Variants in TBC1D16 observed in about 807,000 individuals in gnomAD.
TBC1D16 encodes the protein CTD-2529O21.1.
TBC1D16 carries 58 observed loss-of-function variants against 74.7 expected under a neutral mutation model. The ratio of observed to expected loss-of-function variants is 0.78; its 90% CI spans 0.63 to 0.97. The LOEUF is 0.97. Ranked by LOEUF, TBC1D16 falls within the 50% of genes least tolerant of loss-of-function variation. The pLI is 0.00. For synonymous variants in TBC1D16, 493 were observed against 474.7 expected (o/e 1.04, Z -0.50); for missense variants, 1,014 against 1,079.5 (o/e 0.94, Z 0.85).
chr17:79,952,977 G>A, intron 3 of TBC1D16, 159 bp from the exon 4 acceptor site: 2 of 744,434 alleles, frequency 2.7e-6, no homozygotes, highest in African/African-American at 1.8e-5. Flanking sequence ...GTGAATAAAT[G>A]AATGTATGAA....
At chr17:79,943,144 A>G (rs1470670459) in intron 10 of TBC1D16, among the ~76,000 whole-genome samples, 3 of 152,234 alleles carry the variant, frequency 2.0e-5, no homozygotes, top group Admixed American at 6.5e-5. Flanking sequence ...CAGAGGCTAC[A>G]GGTGACTCCC....
intron 1 of TBC1D16, among the ~76,000 whole-genome samples, chr17:80,025,427 G>A (rs117398110): frequency 0.021 from 3,203 of 150,026 alleles, 92 homozygotes; most frequent in Non-Finnish European, 0.033. Flanking sequence ...ACCTGTCACC[G>A]GGCGGCAGGA....
chr17:80,012,228 T>C (rs1429893751), intron 2 of TBC1D16, among the ~76,000 whole-genome samples: 2 of 152,256 alleles, frequency 1.3e-5, no homozygotes, highest in Non-Finnish European at 2.9e-5. Context: ...AGCCTGAGGC[T>C]GAGAAGTGTT....
chr17:79,996,153 G>A (rs866397385), intron 3 of TBC1D16, among the ~76,000 whole-genome samples: 1 of 152,304 alleles, frequency 6.6e-6, no homozygotes, highest in East Asian at 1.9e-4. Flanking sequence ...AAGAAATCAT[G>A]TATTAACAGG....
At chr17:79,962,887 C>T (rs1217598466) in intron 3 of TBC1D16, among the ~76,000 whole-genome samples, 3 of 151,964 alleles carry the variant, frequency 2.0e-5, no homozygotes, top group Non-Finnish European at 2.9e-5. Context: ...TATGATGAAA[C>T]CCCATCTCTA....
intron 3 of TBC1D16, among the ~76,000 whole-genome samples, chr17:79,963,125 G>A (rs750688497): frequency 1.3e-5 from 2 of 151,670 alleles, no homozygotes; most frequent in Non-Finnish European, 2.9e-5. Flanking sequence ...ACTGAGGCAG[G>A]AGAAGTGCTT....
chr17:79,984,269 A>G (rs963376409), intron 3 of TBC1D16, among the ~76,000 whole-genome samples: 2 of 152,182 alleles, frequency 1.3e-5, no homozygotes, highest in African/African-American at 2.4e-5. Flanking sequence ...AGTCTCCCAA[A>G]GCACTGGGAT....
rs2031695763 is a variant in TBC1D16 at position 79,937,519 on chromosome 17, G to C, written c.*3340C>G. ...CCCTGCCTGGCACTTCGGCTGGTCA[G>C]GAACAGTGGCTGCTCATGGAGCTGC... is the stretch of plus-strand genomic sequence containing the variant. On this transcript the variant is annotated 3_prime_UTR_variant, in exon 12 of 12. Transcript: ENST00000310924. The C allele has an allele frequency of 1.3e-5, 2 of 152,368 alleles. No individual in the cohort carries two copies. The highest frequency in any genetic ancestry group is 4.8e-5 in the African/African-American group (2 of 41,464). The allele number at this position is 152,368 out of a possible 1,614,324, so 9.4% of individuals were successfully genotyped here. A position where few individuals can be genotyped will look rare whatever the true frequency, so the allele number is the denominator to read the frequency against.
At chr17:79,974,185 A>G (rs2034235205) in intron 3 of TBC1D16, among the ~76,000 whole-genome samples, 1 of 152,188 alleles carries the variant, frequency 6.6e-6, no homozygotes, top group South Asian at 2.1e-4. Flanking sequence ...CTCTACCAGA[A>G]TGGCATGCAA....
chr17:80,024,574 AGG>A (rs1471730261), intron 1 of TBC1D16, among the ~76,000 whole-genome samples: 9 of 148,826 alleles, frequency 6.0e-5, no homozygotes, highest in South Asian at 2.1e-4. Flanking sequence ...GACACACCAT[AGG>A]CACACACACC....
In TBC1D16 at chr17:80,000,158, G is replaced by A. The variant is rs577089796; in HGVS notation, c.779+10002C>T. 4.6e-5 allele frequency among the ~76,000 whole-genome samples: 7 copies of A among 152,136 alleles called. No individual in the cohort carries two copies. The highest frequency in any genetic ancestry group is 1.0e-4 in the Non-Finnish European group (7 of 68,024). ...ACGGGGTGATGACCACACTGATGTCGGGAGCTGTTTCTGGGATTCAGGTTG... is the reference window on the plus strand; with the variant it reads ...ACGGGGTGATGACCACACTGATGTCAGGAGCTGTTTCTGGGATTCAGGTTG... On this transcript the variant is annotated intron_variant, in intron 3 of 11. Coordinates refer to ENST00000310924, the MANE Select transcript of TBC1D16 (RefSeq NM_019020.4). This position sits in a 1 kb window ranked among gnomAD's most constrained non-coding sequence, Gnocchi z 4.1.
Position 79,971,873 on chromosome 17 carries a change from G to A in TBC1D16, c.780-19055C>T, listed in dbSNP as rs1256198934. Among the ~76,000 whole-genome samples the A allele has an allele frequency of 6.6e-6, 1 of 152,152 alleles. No individual in the cohort carries two copies. Among genetic ancestry groups the A allele is most frequent in the Non-Finnish European group, 1.5e-5 (1 of 68,026 alleles). The stretch of plus-strand genomic sequence containing the variant: ...TTCCTCTCGGAGCAGGTGGCATGGG[G>A]GCTGGCTGTGGGGGTCTTTGTGGGG... On this transcript the variant is annotated intron_variant, in intron 3 of 11. Coordinates refer to ENST00000310924, the MANE Select transcript of TBC1D16 (RefSeq NM_019020.4). The surrounding 1 kb of genome is among the most constrained non-coding windows in gnomAD (Gnocchi z 4.6).
At chr17:79,968,596 G>C (rs1445792934) in intron 3 of TBC1D16, among the ~76,000 whole-genome samples, 1 of 152,180 alleles carries the variant, frequency 6.6e-6, no homozygotes, top group Non-Finnish European at 1.5e-5. Flanking sequence ...GCTCACGCCT[G>C]TAATCCCAGC....
At chr17:79,965,881 A>G (rs973204109) in intron 3 of TBC1D16, among the ~76,000 whole-genome samples, 8 of 152,182 alleles carry the variant, frequency 5.3e-5, no homozygotes, top group African/African-American at 1.9e-4. Flanking sequence ...CCATCCATAG[A>G]TGGGCACTGA....
intron 3 of TBC1D16, among the ~76,000 whole-genome samples, chr17:80,003,644 T>TA (rs74270527): frequency 2.5e-3 from 330 of 132,622 alleles, no homozygotes; most frequent in African/African-American, 5.3e-3. Context: ...AACAGAAAAG[T>TA]AAAAAAAAAA....
intron 7 of TBC1D16, 76 bp downstream of exon 7, chr17:79,949,641 C>G: frequency 6.6e-7 from 1 of 1,525,838 alleles, no homozygotes; most frequent in Non-Finnish European, 8.9e-7. Flanking sequence ...TGCTGAATTG[C>G]ACCTCAAATT....
rs1598421394 is a variant in TBC1D16, at chr17:80,009,576, A to C, written c.779+584T>G. ...TGCATAGCGGCTGCCAAGTCGGGTG[A>C]ATATGGTCAACACTGCCCCGGGACT... is the stretch of plus-strand genomic sequence containing the variant. On this transcript the variant is annotated intron_variant, in intron 3 of 11. Coordinates refer to ENST00000310924, the MANE Select transcript of TBC1D16 (RefSeq NM_019020.4). This position sits in a 1 kb window ranked among gnomAD's most constrained non-coding sequence, Gnocchi z 5.4. Among the ~76,000 whole-genome samples the C allele has an allele frequency of 6.6e-6, 1 of 152,194 alleles. No individual in the cohort carries two copies. Among genetic ancestry groups the C allele is most frequent in the African/African-American group, 2.4e-5 (1 of 41,440 alleles).
rs967394826 is a variant in TBC1D16 at position 80,008,487 on chromosome 17, A to T, written c.779+1673T>A. ...GGGCCAACCCCACCACCTCTCTGAG[A>T]CACAACTGGGACCTTCCCCTCGCCT... On this transcript the variant is annotated intron_variant, in intron 3 of 11. Coordinates refer to ENST00000310924, the MANE Select transcript of TBC1D16 (RefSeq NM_019020.4). This position sits in a 1 kb window ranked among gnomAD's most constrained non-coding sequence, Gnocchi z 4.5. 2.6e-5 allele frequency among the ~76,000 whole-genome samples: 4 copies of T among 152,096 alleles called. No homozygotes were observed. Among genetic ancestry groups the T allele is most frequent in the Non-Finnish European group, 4.4e-5 (3 of 68,010 alleles).
rs542235069 is a variant in TBC1D16, at chr17:79,973,905, A to T, written c.780-21087T>A. 9.2e-5 allele frequency among the ~76,000 whole-genome samples: 14 copies of T among 152,270 alleles called. 1 individual carries two copies. The South Asian group carries it at 2.7e-3, about 29-fold the overall frequency. The stretch of plus-strand genomic sequence containing the variant: ...CCCCAAAACAATATACTGTAATAAA[A>T]GTTCATTCTTACCAGAGGTCGTAGC... On this transcript the variant is annotated intron_variant, in intron 3 of 11. Coordinates refer to ENST00000310924, the MANE Select transcript of TBC1D16 (RefSeq NM_019020.4).
Sources: gnomAD v4.1 joint callset for allele counts (sites outside exome capture counted in the v4.1 genomes callset) on GRCh38, gnomAD v4.1.1 for gene constraint, Gnocchi (gnomAD v3.1) non-coding constraint, MANE v1.5 for transcripts, NCBI Gene and HGNC (gene_info 2026-07-23, HGNC 2026-07-21) for gene names.